The following DNER variants were observed in gnomAD, a reference collection of about 807,000 sequenced individuals.
DNER encodes the protein delta/notch like EGF repeat containing.
In DNER, 33 loss-of-function variants were observed where a neutral mutation model predicts 78.2. The observed-to-expected ratio is 0.42, with a 90% CI of 0.32 to 0.56. DNER has a LOEUF of 0.56. DNER is among the 20% of genes least tolerant of loss of function. The pLI, the probability that DNER is intolerant of heterozygous loss-of-function variation, is 0.11. For missense variants in DNER, 918 were observed against 975.3 expected (o/e 0.94, Z 0.78); for synonymous variants, 417 against 384.8 (o/e 1.08, Z -0.98).
intron 9 of DNER, among the ~76,000 whole-genome samples, chr2:229,413,318 C>CTTTTTTTT (rs751043233): frequency 4.6e-4 from 41 of 89,370 alleles, no homozygotes; most frequent in Non-Finnish European, 7.3e-4. Context: ...TCTTTTTCTT[C>CTTTTTTTT]TTCTTTTTTT....
At chr2:229,508,374 T>C (rs913664438) in intron 6 of DNER, among the ~76,000 whole-genome samples, 5 of 152,162 alleles carry the variant, frequency 3.3e-5, no homozygotes, top group African/African-American at 1.2e-4. Flanking sequence ...AGAATGCATA[T>C]CTGTGCCTGT....
intron 1 of DNER, among the ~76,000 whole-genome samples, chr2:229,652,110 A>C (rs1160556273): frequency 6.6e-6 from 1 of 152,240 alleles, no homozygotes; most frequent in Non-Finnish European, 1.5e-5. Flanking sequence ...GAGCTAGAGG[A>C]AACATCAAAA....
chr2:229,431,810 A>G (rs552448960), intron 8 of DNER, among the ~76,000 whole-genome samples: 1 of 152,242 alleles, frequency 6.6e-6, no homozygotes, highest in African/African-American at 2.4e-5. Context: ...AAGAAAAAAA[A>G]GATGTCTTTT....
At chr2:229,674,739 G>T (rs1489290819) in intron 1 of DNER, among the ~76,000 whole-genome samples, 1 of 152,130 alleles carries the variant, frequency 6.6e-6, no homozygotes, top group African/African-American at 2.4e-5. Flanking sequence ...CTGGATTCAG[G>T]GGTGAGGATA....
intron 1 of DNER, among the ~76,000 whole-genome samples, chr2:229,709,204 A>C (rs1460843433): frequency 6.6e-6 from 1 of 152,148 alleles, no homozygotes; most frequent in Non-Finnish European, 1.5e-5. Context: ...ACCTTTTTTC[A>C]AAATGTTTTA....
intron 4 of DNER, chr2:229,580,492 T>C (rs1697372994): frequency 6.6e-6 from 1 of 151,876 alleles, no homozygotes; most frequent in Non-Finnish European, 1.5e-5. Context: ...GTGTACCTAA[T>C]AAAAGGGATT....
chr2:229,520,766 T>C (rs1696079031), intron 5 of DNER, among the ~76,000 whole-genome samples: 1 of 152,206 alleles, frequency 6.6e-6, no homozygotes, highest in Non-Finnish European at 1.5e-5. Flanking sequence ...TGGAGAACAC[T>C]GTGAGCATGT....
intron 4 of DNER, among the ~76,000 whole-genome samples, chr2:229,571,144 G>A (rs1044154961): frequency 3.9e-5 from 6 of 152,212 alleles, no homozygotes; most frequent in Admixed American, 1.3e-4. Context: ...GTGGAGAAAT[G>A]AGGTCAGATG....
chr2:229,702,043 T>C, intron 1 of DNER: 1 of 184,446 alleles, frequency 5.4e-6, no homozygotes, highest in South Asian at 1.1e-4. Flanking sequence ...AATAATGTCT[T>C]CAGGAAAAAT....
intron 11 of DNER, among the ~76,000 whole-genome samples, chr2:229,385,108 A>C (rs1692834417): frequency 6.6e-6 from 1 of 151,986 alleles, no homozygotes; most frequent in Non-Finnish European, 1.5e-5. Flanking sequence ...TCTAAAAAAA[A>C]AAAAAAAAAG....
At chr2:229,698,399 C>T (rs902264194) in intron 1 of DNER, among the ~76,000 whole-genome samples, 1 of 152,110 alleles carries the variant, frequency 6.6e-6, no homozygotes, top group Non-Finnish European at 1.5e-5. Flanking sequence ...CACATACTAC[C>T]GGGAAAGATC....
chr2:229,440,715 A>G, intron 8 of DNER, among the ~76,000 whole-genome samples: 1 of 152,154 alleles, frequency 6.6e-6, no homozygotes, highest in Non-Finnish European at 1.5e-5. Context: ...TGCTGTACCC[A>G]AGCCCTAAAG....
chr2:229,613,659 T>C (rs1443566002), intron 1 of DNER, among the ~76,000 whole-genome samples: 1 of 151,768 alleles, frequency 6.6e-6, no homozygotes, highest in African/African-American at 2.4e-5. Context: ...AAGAGCTAAG[T>C]TTCCTGGGTA....
At chr2:229,597,151 T>C (rs891782257) in intron 1 of DNER, among the ~76,000 whole-genome samples, 2 of 152,230 alleles carry the variant, frequency 1.3e-5, no homozygotes, top group Non-Finnish European at 2.9e-5. Context: ...GAGAATTAAA[T>C]GCATTGCAGG....
intron 8 of DNER, among the ~76,000 whole-genome samples, chr2:229,435,994 G>C (rs1437894115): frequency 6.6e-6 from 1 of 152,016 alleles, no homozygotes; most frequent in Non-Finnish European, 1.5e-5. Flanking sequence ...TACACAGGCA[G>C]GTTTTTCATA....
At chr2:229,556,918 C>T (rs1696865232) in intron 4 of DNER, among the ~76,000 whole-genome samples, 1 of 152,208 alleles carries the variant, frequency 6.6e-6, no homozygotes, top group Non-Finnish European at 1.5e-5. Context: ...GAGGCTCCTT[C>T]CAGGTAAAAG....
intron 1 of DNER, among the ~76,000 whole-genome samples, chr2:229,630,841 C>G (rs1698422838): frequency 6.6e-6 from 1 of 152,066 alleles, no homozygotes; most frequent in Non-Finnish European, 1.5e-5. Flanking sequence ...ATCTTTATGT[C>G]CACTGTACCC....
intron 1 of DNER, among the ~76,000 whole-genome samples, chr2:229,614,039 AGCG>A (rs1698104335): frequency 1.6e-5 from 2 of 125,722 alleles, no homozygotes; most frequent in Non-Finnish European, 3.3e-5. Context: ...GGTGGGGGGG[AGCG>A]GGGAGGGATA....
chr2:229,566,450 T>C (rs567947262), intron 4 of DNER, among the ~76,000 whole-genome samples: 1 of 152,274 alleles, frequency 6.6e-6, no homozygotes, highest in Non-Finnish European at 1.5e-5. Flanking sequence ...CTAACCAATG[T>C]ATTGCAATGA....
Sources: gnomAD v4.1 joint callset for allele counts (sites outside exome capture counted in the v4.1 genomes callset) on GRCh38, gnomAD v4.1.1 for gene constraint, MANE v1.5 for transcripts, NCBI Gene and HGNC (gene_info 2026-07-23, HGNC 2026-07-21) for gene names.